HIPK2: variants seen among roughly 807,000 people sequenced by gnomAD.
The protein encoded by HIPK2 is homeodomain interacting protein kinase 2, also known as homeodomain-interacting protein kinase 2.
A neutral mutation model predicts 113.7 loss-of-function variants in HIPK2; 27 were observed. The observed-to-expected ratio is 0.24, with a 90% CI of 0.17 to 0.33. HIPK2 has a LOEUF of 0.33. Among genes scored for constraint, HIPK2 ranks in the 10% least tolerant of loss-of-function variants. HIPK2 has a pLI of 1.00. For synonymous variants in HIPK2, 631 were observed against 642.2 expected, an observed-to-expected ratio of 0.98 and a Z score of 0.26; for missense variants, 1,257 against 1,588.0, an observed-to-expected ratio of 0.79 and a Z score of 3.54.
At chr7:139,610,285 C>G (rs1405193281) in intron 9 of HIPK2, among the ~76,000 whole-genome samples, 1 of 152,212 alleles carries the variant, frequency 6.6e-6, no homozygotes, top group Non-Finnish European at 1.5e-5. Context: ...TAAAAAAGAT[C>G]TGTAATTATC....
intron 2 of HIPK2, among the ~76,000 whole-genome samples, chr7:139,692,088 T>C (rs768756493): frequency 2.3e-4 from 35 of 152,210 alleles, no homozygotes; most frequent in Non-Finnish European, 4.7e-4. Flanking sequence ...CAGTAGACAG[T>C]AGATGGACAG....
intron 7 of HIPK2, 163 bp downstream of exon 7, chr7:139,620,238 G>T: frequency 1.8e-6 from 1 of 543,154 alleles, no homozygotes; most frequent in Non-Finnish European, 2.3e-6. Context: ...CACAAAATGT[G>T]CCTGGGTCCC....
intron 1 of HIPK2, among the ~76,000 whole-genome samples, chr7:139,745,553 G>A (rs904708559): frequency 1.3e-5 from 2 of 152,188 alleles, no homozygotes; most frequent in Non-Finnish European, 2.9e-5. Flanking sequence ...TGTCTCCAGG[G>A]AATGTCCTGT....
At chr7:139,737,696 A>G (rs577607270) in intron 1 of HIPK2, among the ~76,000 whole-genome samples, 1 of 152,360 alleles carries the variant, frequency 6.6e-6, no homozygotes, top group Admixed American at 6.5e-5. Context: ...TCAGAGCTAC[A>G]GGGTCACGAC....
chr7:139,715,892 G>A (rs772812247), intron 2 of HIPK2, 40 bp downstream of exon 2: 1 of 1,588,582 alleles, frequency 6.3e-7, no homozygotes, highest in South Asian at 1.1e-5. Flanking sequence ...GAGTGCCACT[G>A]GGCATTCAGC....
chr7:139,626,292 A>C (rs1183462700), intron 6 of HIPK2, among the ~76,000 whole-genome samples: 1 of 151,914 alleles, frequency 6.6e-6, no homozygotes, highest in East Asian at 1.9e-4. Context: ...TAGTAGAGAC[A>C]GGGTTTCACC....
chr7:139,613,015 G>A lies in HIPK2; in HGVS notation c.2112+187C>T, dbSNP rs1209105484. On this transcript the variant is annotated intron_variant, in intron 9 of 14. Coordinates refer to ENST00000406875, the MANE Select transcript of HIPK2 (RefSeq NM_022740.5). The surrounding 1 kb of genome is among the most constrained non-coding windows in gnomAD (Gnocchi z 4.2). ...CTCCCTGTATCTAAATTTCTTCTTG[G>A]AATTGTAAGCAGATACTTAGGAAGG... The A allele has an allele frequency of 8.4e-6, 2 of 237,162 alleles. No homozygotes were observed. Among genetic ancestry groups the A allele is most frequent in the African/African-American group, 4.7e-5 (2 of 42,730 alleles). The allele number at this position is 237,162 out of a possible 1,614,324, so 14.7% of individuals were successfully genotyped here.
At chr7:139,757,249 AACTC>A (rs370292043) in intron 1 of HIPK2, among the ~76,000 whole-genome samples, 139 of 152,332 alleles carry the variant, frequency 9.1e-4, no homozygotes, top group African/African-American at 3.1e-3. Flanking sequence ...CCGGAGGAAA[AACTC>A]ACCCTGTAAT....
intron 2 of HIPK2, among the ~76,000 whole-genome samples, chr7:139,639,656 G>A (rs1347104169): frequency 6.6e-6 from 1 of 152,122 alleles, no homozygotes; most frequent in African/African-American, 2.4e-5. Context: ...GCCAGGCAGG[G>A]GTGGCTACCA....
intron 12 of HIPK2, among the ~76,000 whole-genome samples, chr7:139,590,686 TAA>T (rs1798987946): frequency 6.6e-6 from 1 of 152,184 alleles, no homozygotes; most frequent in Admixed American, 6.5e-5. Flanking sequence ...GATGATGTGG[TAA>T]AGAATATGAC....
chr7:139,684,443 G>A (rs1184118300), intron 2 of HIPK2, among the ~76,000 whole-genome samples: 1 of 152,232 alleles, frequency 6.6e-6, no homozygotes, highest in Non-Finnish European at 1.5e-5. Flanking sequence ...AGGGCTGGTT[G>A]TGGTGGCTCA....
At chr7:139,737,786 A>G (rs1303257433) in intron 1 of HIPK2, among the ~76,000 whole-genome samples, 1 of 152,234 alleles carries the variant, frequency 6.6e-6, no homozygotes, top group Non-Finnish European at 1.5e-5. Flanking sequence ...GTGATTAGAA[A>G]AAAGAAAAAC....
chr7:139,684,225 T>G (rs1486227151), intron 2 of HIPK2, among the ~76,000 whole-genome samples: 1 of 152,192 alleles, frequency 6.6e-6, no homozygotes, highest in Non-Finnish European at 1.5e-5. Context: ...GTGGTGTGTA[T>G]TCCATCTATG....
chr7:139,638,340 C>T (rs925969747), intron 2 of HIPK2, among the ~76,000 whole-genome samples: 2 of 152,116 alleles, frequency 1.3e-5, no homozygotes, highest in East Asian at 1.9e-4. Flanking sequence ...CCTCCCTGCC[C>T]GCTTCCATTC....
In HIPK2 at chr7:139,674,354, GA is replaced by G. The variant is rs1156231340; in HGVS notation, c.1103+41577del. On this transcript the variant is annotated intron_variant, in intron 2 of 14. Coordinates refer to ENST00000406875, the MANE Select transcript of HIPK2 (RefSeq NM_022740.5). ...CATTATTCCACACATAAAGCAATAA[GA>G]AAAATTAAATGCTAAGCCGTATGGT... Among the ~76,000 whole-genome samples the G allele has an allele frequency of 1.2e-4, 18 of 152,282 alleles. No homozygotes were observed. In the East Asian group the frequency reaches 2.5e-3, roughly 21 times the overall value.
At chr7:139,672,222 A>C (rs1041338566) in intron 2 of HIPK2, among the ~76,000 whole-genome samples, 1 of 152,218 alleles carries the variant, frequency 6.6e-6, no homozygotes, top group Non-Finnish European at 1.5e-5. Flanking sequence ...CATCTACCTC[A>C]TAACACTTGA....
At chr7:139,685,706 A>G (rs1242688582) in intron 2 of HIPK2, among the ~76,000 whole-genome samples, 4 of 152,206 alleles carry the variant, frequency 2.6e-5, no homozygotes. Flanking sequence ...TATAAATGGA[A>G]CTGCAAAGCC....
chr7:139,670,425 A>C (rs926237532), intron 2 of HIPK2, among the ~76,000 whole-genome samples: 2 of 43,804 alleles, frequency 4.6e-5, no homozygotes, highest in African/African-American at 2.8e-4. Context: ...CTCTACAAAA[A>C]ATCAGTTAAA....
intron 6 of HIPK2, among the ~76,000 whole-genome samples, chr7:139,623,121 A>G (rs961890318): frequency 2.0e-5 from 3 of 152,176 alleles, no homozygotes; most frequent in African/African-American, 7.2e-5. Flanking sequence ...GACTGAAATC[A>G]TGGGAGCCCT....
Sources: gnomAD v4.1 joint callset for allele counts (sites outside exome capture counted in the v4.1 genomes callset) on GRCh38, gnomAD v4.1.1 for gene constraint, Gnocchi (gnomAD v3.1) non-coding constraint, MANE v1.5 for transcripts, NCBI Gene and HGNC (gene_info 2026-07-23, HGNC 2026-07-21) for gene names.